Variants in SLC25A21 observed in about 807,000 individuals in gnomAD.
SLC25A21 encodes solute carrier family 25 member 21, also known as mitochondrial 2-oxodicarboxylate carrier.
Under a neutral mutation model 43.8 loss-of-function variants are expected in SLC25A21, and 47 were observed. The ratio of observed to expected loss-of-function variants is 1.07; its 90% CI spans 0.85 to 1.37. SLC25A21 has a LOEUF of 1.37. SLC25A21 is among the 40% of genes most tolerant of loss of function. The pLI is 0.00. For missense variants in SLC25A21, 352 were observed against 350.2 expected, an observed-to-expected ratio of 1.00 and a Z score of -0.04; for synonymous variants, 131 against 121.3, an observed-to-expected ratio of 1.08 and a Z score of -0.52.
chr14:36,696,391 A>T (rs1016706632), intron 7 of SLC25A21, among the ~76,000 whole-genome samples: 5 of 152,176 alleles, frequency 3.3e-5, no homozygotes, highest in African/African-American at 7.2e-5. Context: ...TGTCTCTGCC[A>T]GGCTTTGGTA....
At chr14:37,084,057 C>A (rs995367611) in intron 1 of SLC25A21, among the ~76,000 whole-genome samples, 11 of 152,104 alleles carry the variant, frequency 7.2e-5, no homozygotes, top group Admixed American at 2.0e-4. Flanking sequence ...CCTGCTGTCA[C>A]GATGTAATTA....
intron 1 of SLC25A21, among the ~76,000 whole-genome samples, chr14:37,044,979 TA>T (rs1961556667): frequency 6.6e-6 from 1 of 152,218 alleles, no homozygotes; most frequent in Non-Finnish European, 1.5e-5. Context: ...AATATACATA[TA>T]AATGTAAAAA....
intron 1 of SLC25A21, among the ~76,000 whole-genome samples, chr14:36,903,131 C>T (rs1007096644): frequency 2.0e-5 from 3 of 152,210 alleles, no homozygotes; most frequent in African/African-American, 7.2e-5. Context: ...TAAATCATCA[C>T]TGCACAAACA....
At chr14:36,966,347 A>T (rs1236124521) in intron 1 of SLC25A21, among the ~76,000 whole-genome samples, 1 of 152,204 alleles carries the variant, frequency 6.6e-6, no homozygotes, top group Non-Finnish European at 1.5e-5. Context: ...CCATAGAGAA[A>T]GGACCTCCAT....
chr14:36,918,324 T>C (rs567863587), intron 1 of SLC25A21, among the ~76,000 whole-genome samples: 1 of 152,314 alleles, frequency 6.6e-6, no homozygotes, highest in African/African-American at 2.4e-5. Context: ...TCACATGTTC[T>C]TACAGTGATC....
chr14:37,063,225 T>C (rs911410906), intron 1 of SLC25A21, among the ~76,000 whole-genome samples: 1 of 151,962 alleles, frequency 6.6e-6, no homozygotes, highest in African/African-American at 2.4e-5. Flanking sequence ...TGGGTCCAGG[T>C]GAGGTGGCTC....
At chr14:36,783,371 T>C (rs1187742290) in intron 3 of SLC25A21, among the ~76,000 whole-genome samples, 1 of 152,114 alleles carries the variant, frequency 6.6e-6, no homozygotes, top group African/African-American at 2.4e-5. Flanking sequence ...ATAGATTCCA[T>C]GAAGCAGTTA....
intron 3 of SLC25A21, among the ~76,000 whole-genome samples, chr14:36,802,483 CAATAA>C (rs1471449235): frequency 6.6e-6 from 1 of 152,062 alleles, no homozygotes; most frequent in African/African-American, 2.4e-5. Flanking sequence ...GCTAGCAACA[CAATAA>C]AATAAGTATG....
chr14:37,133,960 C>G (rs533676045), intron 1 of SLC25A21, among the ~76,000 whole-genome samples: 2 of 152,266 alleles, frequency 1.3e-5, no homozygotes, highest in African/African-American at 4.8e-5. Flanking sequence ...ACCATGATAT[C>G]CTCTCATTCC....
chr14:36,723,529 C>A (rs1052156415), intron 6 of SLC25A21, among the ~76,000 whole-genome samples: 4 of 152,188 alleles, frequency 2.6e-5, no homozygotes, highest in African/African-American at 7.2e-5. Context: ...CTCCCACTAT[C>A]CCCTGGCCCC....
At chr14:36,805,499 T>C (rs938505229) in intron 3 of SLC25A21, among the ~76,000 whole-genome samples, 5 of 152,146 alleles carry the variant, frequency 3.3e-5, no homozygotes, top group African/African-American at 1.2e-4. Flanking sequence ...TGCTCCCTGA[T>C]TGTGAAGACT....
At chr14:36,908,106 T>G (rs571039357) in intron 1 of SLC25A21, among the ~76,000 whole-genome samples, 1 of 152,030 alleles carries the variant, frequency 6.6e-6, no homozygotes, top group Admixed American at 6.6e-5. Flanking sequence ...GCACAGAGGA[T>G]TTTTAGGGCA....
intron 7 of SLC25A21, among the ~76,000 whole-genome samples, chr14:36,700,208 A>G (rs1883220223): frequency 6.6e-6 from 1 of 152,168 alleles, no homozygotes; most frequent in South Asian, 2.1e-4. Flanking sequence ...TTCTTGATGT[A>G]AAAATAAAAC....
intron 1 of SLC25A21, among the ~76,000 whole-genome samples, chr14:36,895,506 AT>A (rs1277710949): frequency 1.3e-5 from 2 of 152,028 alleles, no homozygotes; most frequent in Non-Finnish European, 2.9e-5. Context: ...GGATTCACTG[AT>A]TTTTTGAAGG....
At chr14:36,839,200 G>A (rs1049493486) in intron 2 of SLC25A21, among the ~76,000 whole-genome samples, 25 of 152,274 alleles carry the variant, frequency 1.6e-4, no homozygotes, top group Non-Finnish European at 3.5e-4. Context: ...AAATAATAGT[G>A]ACAAATTGTA....
intron 3 of SLC25A21, among the ~76,000 whole-genome samples, chr14:36,789,921 AT>A (rs1195682481): frequency 8.1e-6 from 1 of 123,428 alleles, no homozygotes; most frequent in African/African-American, 3.1e-5. Flanking sequence ...TATATTATAT[AT>A]TTATATATTA....
chr14:36,766,810 T>C (rs552462895), intron 3 of SLC25A21, among the ~76,000 whole-genome samples: 8 of 152,236 alleles, frequency 5.3e-5, no homozygotes, highest in African/African-American at 1.9e-4. Context: ...AGTTATATAA[T>C]CTAAAGACTG....
At chr14:36,906,415 A>T (rs555298224) in intron 1 of SLC25A21, among the ~76,000 whole-genome samples, 1 of 152,296 alleles carries the variant, frequency 6.6e-6, no homozygotes, top group Admixed American at 6.5e-5. Flanking sequence ...GCAAAGTAGC[A>T]CAGTGCCTAT....
intron 1 of SLC25A21, among the ~76,000 whole-genome samples, chr14:36,943,320 T>C (rs570129931): frequency 6.6e-6 from 1 of 152,198 alleles, no homozygotes; most frequent in African/African-American, 2.4e-5. Flanking sequence ...GCCTCCCGAC[T>C]AGCTAGAATT....
Sources: allele counts gnomAD v4.1 joint callset (sites outside exome capture counted in the v4.1 genomes callset), GRCh38; gene constraint gnomAD v4.1.1; transcripts MANE v1.5; gene names NCBI Gene and HGNC (gene_info 2026-07-23, HGNC 2026-07-21).